Variants in TTC7A observed in about 807,000 individuals in gnomAD.
TTC7A encodes the protein tetratricopeptide repeat domain 7A, also known as tetratricopeptide repeat protein 7A.
A neutral mutation model predicts 103.7 loss-of-function variants in TTC7A; 110 were observed. That is an observed-to-expected ratio of 1.06 (90% CI 0.91 to 1.24). TTC7A has a LOEUF of 1.24. Ranked by LOEUF, TTC7A falls within the 50% of genes most tolerant of loss-of-function variation. The pLI is 0.00. For missense variants in TTC7A, 1,340 were observed against 1,116.3 expected (o/e 1.20, Z -2.86); for synonymous variants, 521 against 467.9 (o/e 1.11, Z -1.47).
At chr2:46,915,905 T>G, upstream of TTC7A, 2 of 983,606 alleles carry the variant, frequency 2.0e-6, no homozygotes, top group South Asian at 4.7e-5. Context: ...GGCGGCGGGC[T>G]GTGAGGACGG....
At chr2:47,039,386 C>G (rs947224891) in intron 15 of TTC7A, among the ~76,000 whole-genome samples, 7 of 152,176 alleles carry the variant, frequency 4.6e-5, no homozygotes, top group African/African-American at 1.7e-4. Flanking sequence ...CTGCCAACTT[C>G]CCCCACCAGC....
chr2:46,993,665 A>T (rs920313996), intron 6 of TTC7A, 137 bp downstream of exon 6: 1 of 765,294 alleles, frequency 1.3e-6, no homozygotes. Context: ...TTGGTAATCA[A>T]TCTCAGCATC....
At chr2:46,994,570 T>C in intron 7 of TTC7A, 56 bp downstream of exon 7, 1 of 1,570,362 alleles carries the variant, frequency 6.4e-7, no homozygotes, top group Non-Finnish European at 8.7e-7. Context: ...CGCAGGGTTC[T>C]GTCCCCACTG....
At chr2:46,977,162 C>G (rs980725417) in intron 4 of TTC7A, among the ~76,000 whole-genome samples, 1 of 152,184 alleles carries the variant, frequency 6.6e-6, no homozygotes, top group African/African-American at 2.4e-5. Flanking sequence ...CTGTCCCTGT[C>G]AAAGGTCTGA....
chr2:46,950,498 G>A lies in TTC7A; in HGVS notation c.320G>A (p.Ser107Asn), dbSNP rs765484679. Residue 107 changes from serine (S) to asparagine (N), a missense_variant, in exon 2 of 20, where the codon AGC becomes AAC. Transcript: ENST00000319190. ...PKMSEAKNYL[S>N]SILNHGRLSP... ...ATGAGCGAAGCCAAAAATTATCTAA[G>A]CAGTATCCTTAACCATGGGAGGCTC... The A allele has an allele frequency of 2.5e-6, 4 of 1,614,014 alleles. No homozygotes were observed. In the East Asian group the frequency reaches 6.7e-5, roughly 27 times the overall value.
chr2:47,056,442 G>A (rs552439635), intron 18 of TTC7A, among the ~76,000 whole-genome samples: 1 of 152,326 alleles, frequency 6.6e-6, no homozygotes, highest in South Asian at 2.1e-4. Context: ...AGGCCTTGGG[G>A]GTGGGCCCAG....
chr2:47,023,486 A>G lies in TTC7A; in HGVS notation c.1568+21A>G, dbSNP rs377525700. ...GAGAGGTGAGGAGGCTCCCACCTGC[A>G]GCAGAGGCCCCTCTTGCCTTTGGTG... On this transcript the variant is annotated intron_variant, in intron 13 of 19. Coordinates refer to ENST00000319190, the MANE Select transcript of TTC7A (RefSeq NM_020458.4). The G allele has an allele frequency of 3.4e-5, 55 of 1,613,504 alleles. 1 individual carries two copies. The highest frequency in any genetic ancestry group is 4.7e-5 in the Non-Finnish European group (55 of 1,179,582).
At chr2:47,069,729 G>A (rs1010778275) in intron 19 of TTC7A, among the ~76,000 whole-genome samples, 8 of 152,214 alleles carry the variant, frequency 5.3e-5, no homozygotes, top group African/African-American at 1.7e-4. Context: ...GAATGCCAGA[G>A]AGCCTGGAGC....
intron 14 of TTC7A, among the ~76,000 whole-genome samples, chr2:47,028,499 C>G (rs1680162643): frequency 6.6e-6 from 1 of 152,186 alleles, no homozygotes; most frequent in East Asian, 1.9e-4. Context: ...TGCCCTCTTT[C>G]ATGCAGTGCT....
chr2:47,058,723 G>A (rs1003933099), intron 18 of TTC7A, among the ~76,000 whole-genome samples: 3 of 152,218 alleles, frequency 2.0e-5, no homozygotes, highest in African/African-American at 7.2e-5. Flanking sequence ...TTGGACAAAG[G>A]CTGAGTGCCC....
rs1267829927 is a variant in TTC7A, at chr2:47,029,210, G to A, written c.1642-14G>A. 2 of 1,613,126 alleles carry A rather than the reference G, an allele frequency of 1.2e-6. No homozygotes were observed. The highest frequency in any genetic ancestry group is 1.7e-5 in the Admixed American group (1 of 60,002). On this transcript the variant is annotated splice_polypyrimidine_tract_variant and intron_variant, in intron 14 of 19. Transcript: ENST00000319190. ...GTGCCTGGGGAAGGCTAACCTGGCG[G>A]GTTCCTTCAACAGATCTCCAGTGCC...
intron 4 of TTC7A, 138 bp downstream of exon 4, chr2:46,975,241 A>G (rs1673762864): frequency 8.7e-7 from 1 of 1,151,336 alleles, no homozygotes; most frequent in African/African-American, 1.5e-5. Flanking sequence ...ACTCTACTTC[A>G]TAGTTGGAAA....
chr2:46,922,571 T>A (rs910266898), intron 2 of TTC7A, among the ~76,000 whole-genome samples: 2 of 152,142 alleles, frequency 1.3e-5, no homozygotes, highest in African/African-American at 4.8e-5. Context: ...AAGGCCAAGA[T>A]ATACAGCTTT....
intron 11 of TTC7A, among the ~76,000 whole-genome samples, chr2:47,013,168 C>T (rs988276735): frequency 6.6e-6 from 1 of 152,146 alleles, no homozygotes; most frequent in Non-Finnish European, 1.5e-5. Context: ...AGGAGGCAGC[C>T]TCAGACTGAA....
intron 15 of TTC7A, among the ~76,000 whole-genome samples, chr2:47,041,055 G>C (rs1681687747): frequency 1.3e-5 from 2 of 152,218 alleles, no homozygotes; most frequent in South Asian, 4.1e-4. Flanking sequence ...GCCTTGCCCA[G>C]TGACTGTCCC....
At chr2:46,971,573 G>A (rs1673359822) in intron 3 of TTC7A, among the ~76,000 whole-genome samples, 1 of 150,846 alleles carries the variant, frequency 6.6e-6, no homozygotes, top group African/African-American at 2.4e-5. Flanking sequence ...GATCCCCCTG[G>A]GGATTAGAGT....
rs72806600 is a variant in TTC7A, at chr2:47,024,638, A to C, written c.1641+279A>C. ...TGGACTGAGATGTTGATGAGTGACC[A>C]CCTGTCACTCATTTATTTGTGTCCT... On this transcript the variant is annotated intron_variant, in intron 14 of 19. Transcript: ENST00000319190. Among the ~76,000 whole-genome samples the C allele has an allele frequency of 0.099, 15,107 of 151,918 alleles. 763 individuals are homozygous for C. The highest frequency in any genetic ancestry group is 0.12 in the Non-Finnish European group (7,833 of 67,898).
chr2:47,070,548 G>A (rs1170245516), intron 19 of TTC7A, among the ~76,000 whole-genome samples: 1 of 152,216 alleles, frequency 6.6e-6, no homozygotes, highest in African/African-American at 2.4e-5. Flanking sequence ...GGGAGGGGCA[G>A]GACAGGGATC....
In TTC7A at chr2:46,994,399, A is replaced by C. The variant is rs1675944850; in HGVS notation, c.886A>C (p.Ser296Arg). 1 of 1,613,772 alleles carries C rather than the reference A, an allele frequency of 6.2e-7. No homozygotes were observed. The highest frequency in any genetic ancestry group is 1.1e-5 in the South Asian group (1 of 91,066). The change falls in exon 7 of 20, where the codon AGT becomes CGT. Residue 296 changes from serine to arginine, a missense_variant. By Grantham distance (110) the Ser-to-Arg change is moderately radical. Coordinates refer to ENST00000319190, the MANE Select transcript of TTC7A (RefSeq NM_020458.4). ...GGCGGGGGTCCTGCTGCACTCCCTG[A>C]GTGAGGAGTGCTACTGGAGCCCCCT... Reference protein sequence around the residue: ...HLAGVLLHSLSEECYWSPLSH... With the variant: ...HLAGVLLHSLREECYWSPLSH...
Sources: allele counts gnomAD v4.1 joint callset (sites outside exome capture counted in the v4.1 genomes callset), GRCh38; gene constraint gnomAD v4.1.1; transcripts MANE v1.5; gene names NCBI Gene and HGNC (gene_info 2026-07-23, HGNC 2026-07-21).